RAB28: variants seen among roughly 807,000 people sequenced by gnomAD.
RAB28 encodes the protein ras-related protein Rab-28.
Under a neutral mutation model 31.7 loss-of-function variants are expected in RAB28, and 24 were observed. The ratio of observed to expected loss-of-function variants is 0.76; its 90% CI spans 0.55 to 1.06. The LOEUF (loss-of-function observed/expected upper bound fraction) is 1.06, where lower values mean the gene tolerates loss of function less well. Ranked by LOEUF, RAB28 falls within the 50% of genes least tolerant of loss-of-function variation. The probability of loss-of-function intolerance (pLI) is 0.00; values close to 1 mark genes in which losing one functional copy is unlikely to be tolerated. For synonymous variants in RAB28, 100 were observed against 90.4 expected, an observed-to-expected ratio of 1.11 and a Z score of -0.60; for missense variants, 254 against 258.5, an observed-to-expected ratio of 0.98 and a Z score of 0.12.
intron 4 of RAB28, among the ~76,000 whole-genome samples, chr4:13,393,099 C>T (rs111879596): frequency 2.0e-5 from 3 of 152,036 alleles, no homozygotes; most frequent in African/African-American, 7.2e-5. Context: ...CTAAGAGGGA[C>T]ACAAATAAAA....
chr4:13,372,015 G>A (rs1728733598), intron 6 of RAB28: 2 of 747,070 alleles, frequency 2.7e-6, no homozygotes, highest in Non-Finnish European at 4.6e-6. Context: ...CAAGGTGTAA[G>A]GAGTATAGAT....
chr4:13,473,476 T>A (rs114221318), intron 3 of RAB28, among the ~76,000 whole-genome samples: 87 of 152,040 alleles, frequency 5.7e-4, no homozygotes, highest in African/African-American at 1.5e-3. Flanking sequence ...TATTCTCTAC[T>A]TCATCAGATG....
At chr4:13,427,042 A>G (rs1376800665) in intron 4 of RAB28, among the ~76,000 whole-genome samples, 1 of 152,164 alleles carries the variant, frequency 6.6e-6, no homozygotes, top group African/African-American at 2.4e-5. Context: ...GTGTAAGAAA[A>G]TGGCTCAGTT....
At chr4:13,433,018 G>A (rs1180462164) in intron 4 of RAB28, among the ~76,000 whole-genome samples, 2 of 150,558 alleles carry the variant, frequency 1.3e-5, no homozygotes, top group Non-Finnish European at 3.0e-5. Context: ...AAAGTAACAA[G>A]GAACTGAATT....
intron 4 of RAB28, among the ~76,000 whole-genome samples, chr4:13,407,663 T>C (rs1712181760): frequency 6.6e-6 from 1 of 152,212 alleles, no homozygotes; most frequent in South Asian, 2.1e-4. Flanking sequence ...TTCCATTTGT[T>C]TGTGTCCTCT....
intron 3 of RAB28, among the ~76,000 whole-genome samples, chr4:13,469,889 C>G (rs535209528): frequency 6.6e-6 from 1 of 152,072 alleles, no homozygotes; most frequent in Admixed American, 6.6e-5. Context: ...AAGGGTCTCA[C>G]TATGTTGCTG....
chr4:13,454,713 T>A (rs1011481916), intron 4 of RAB28, among the ~76,000 whole-genome samples: 1 of 152,178 alleles, frequency 6.6e-6, no homozygotes, highest in Non-Finnish European at 1.5e-5. Flanking sequence ...TCAGGGTGCA[T>A]ACATGCACAT....
At chr4:13,409,325 C>A (rs528871604) in intron 4 of RAB28, among the ~76,000 whole-genome samples, 117 of 152,244 alleles carry the variant, frequency 7.7e-4, no homozygotes, top group African/African-American at 2.6e-3. Flanking sequence ...AAGTCTTAGG[C>A]GGTACATTAT....
intron 4 of RAB28, among the ~76,000 whole-genome samples, chr4:13,407,119 C>T (rs1037836245): frequency 2.0e-5 from 3 of 152,198 alleles, no homozygotes; most frequent in Non-Finnish European, 4.4e-5. Context: ...AGGTTTTCTT[C>T]TAGGGTATTT....
At chr4:13,390,546 C>A (rs368766317) in intron 4 of RAB28, among the ~76,000 whole-genome samples, 2 of 150,406 alleles carry the variant, frequency 1.3e-5, no homozygotes, top group South Asian at 2.1e-4. Context: ...TGACTTTCTT[C>A]ACAGAATTGG....
chr4:13,411,854 A>G (rs1445852956), intron 4 of RAB28, among the ~76,000 whole-genome samples: 3 of 152,018 alleles, frequency 2.0e-5, no homozygotes, highest in South Asian at 2.1e-4. Flanking sequence ...ATAAGATCAA[A>G]TATACCATGA....
chr4:13,397,111 A>G (rs955251182), intron 4 of RAB28, among the ~76,000 whole-genome samples: 4 of 152,302 alleles, frequency 2.6e-5, no homozygotes, highest in African/African-American at 9.6e-5. Context: ...AATAATATGC[A>G]TGGCTGCATT....
chr4:13,428,485 G>T (rs1713632268), intron 4 of RAB28, among the ~76,000 whole-genome samples: 1 of 152,176 alleles, frequency 6.6e-6, no homozygotes, highest in East Asian at 1.9e-4. Flanking sequence ...GAAACATCCA[G>T]AAAGGATGAA....
intron 4 of RAB28, among the ~76,000 whole-genome samples, chr4:13,432,063 A>G (rs1713837572): frequency 6.6e-6 from 1 of 152,150 alleles, no homozygotes; most frequent in African/African-American, 2.4e-5. Flanking sequence ...AATTTAGGAT[A>G]TGAAAGATGA....
chr4:13,453,157 G>C (rs962609981), intron 4 of RAB28, among the ~76,000 whole-genome samples: 2 of 151,946 alleles, frequency 1.3e-5, no homozygotes, highest in African/African-American at 2.4e-5. Context: ...CAGTCTATGT[G>C]TGTCTTTAAG....
intron 4 of RAB28, among the ~76,000 whole-genome samples, chr4:13,432,550 A>T (rs1229643790): frequency 6.6e-6 from 1 of 152,138 alleles, no homozygotes; most frequent in Non-Finnish European, 1.5e-5. Flanking sequence ...GAAAGGGGTC[A>T]AATTACATAA....
At chr4:13,389,029 A>AT (rs1434012404) in intron 4 of RAB28, among the ~76,000 whole-genome samples, 1 of 152,142 alleles carries the variant, frequency 6.6e-6, no homozygotes, top group African/African-American at 2.4e-5. Flanking sequence ...AGCACTAGTC[A>AT]TAATAGCTAA....
intron 4 of RAB28, among the ~76,000 whole-genome samples, chr4:13,435,017 C>CAAAAAAAAAAAAA (rs991889676): frequency 6.4e-5 from 3 of 47,038 alleles, no homozygotes; most frequent in Non-Finnish European, 9.1e-5. Flanking sequence ...GACTCCGTCT[C>CAAAAAAAAAAAAA]AAAAAAAAAA....
At chr4:13,477,086 C>T (rs981461943) in intron 2 of RAB28, among the ~76,000 whole-genome samples, 1 of 151,492 alleles carries the variant, frequency 6.6e-6, no homozygotes, top group African/African-American at 2.4e-5. Flanking sequence ...CAGTAGAACG[C>T]TGTTTACTGG....
Sources: allele counts gnomAD v4.1 joint callset (sites outside exome capture counted in the v4.1 genomes callset), GRCh38; gene constraint gnomAD v4.1.1; transcripts MANE v1.5; gene names NCBI Gene and HGNC (gene_info 2026-07-23, HGNC 2026-07-21).